The following FMN1 variants were observed in gnomAD, a reference collection of about 807,000 sequenced individuals.
FMN1 encodes formin 1.
A neutral mutation model predicts 132.4 loss-of-function variants in FMN1; 110 were observed. The observed-to-expected ratio is 0.83, with a 90% CI of 0.71 to 0.97. The LOEUF is 0.97. Among genes scored for constraint, FMN1 ranks in the 50% least tolerant of loss-of-function variants. The pLI is 0.00. For missense variants in FMN1, 1,792 were observed against 1,705.3 expected, an observed-to-expected ratio of 1.05 and a Z score of -0.90; for synonymous variants, 722 against 651.7, an observed-to-expected ratio of 1.11 and a Z score of -1.64.
At chr15:32,924,741 G>A (rs1172357419) in intron 10 of FMN1, among the ~76,000 whole-genome samples, 1 of 152,220 alleles carries the variant, frequency 6.6e-6, no homozygotes, top group Non-Finnish European at 1.5e-5. Flanking sequence ...CCAACATGGA[G>A]AAGCCCCATC....
rs869111673 is a variant in FMN1, at chr15:32,957,298, C to CTTTTTTTTT, written c.3138+6800_3138+6808dup. ...AATTGGAAAGTTTATCAGAGCAGTT[C>CTTTTTTTTT]TTTTTTTTTTTTTTTTTTTTTTTTT... On this transcript the variant is annotated intron_variant, in intron 9 of 20. Transcript: ENST00000616417. 2.1e-3 allele frequency among the ~76,000 whole-genome samples: 177 copies of CTTTTTTTTT among 84,182 alleles called. 19 individuals are homozygous for CTTTTTTTTT. Among genetic ancestry groups the CTTTTTTTTT allele is most frequent in the Non-Finnish European group, 3.2e-3 (143 of 44,918 alleles). 55.2% of individuals were successfully genotyped at this position (84,182 alleles called of 152,430 possible).
chr15:33,147,635 T>C (rs182714806), intron 4 of FMN1, among the ~76,000 whole-genome samples: 405 of 152,348 alleles, frequency 2.7e-3, no homozygotes, highest in Admixed American at 4.2e-3. Context: ...TAGAGCTGGC[T>C]TGAGATTTTA....
In FMN1 at chr15:33,090,121, C is replaced by A. The variant is rs551595594; in HGVS notation, c.1868-1147G>T. Among the ~76,000 whole-genome samples, 8 of 152,260 alleles carry A rather than the reference C, an allele frequency of 5.3e-5. No homozygotes were observed. The East Asian group carries it at 1.5e-3, about 29-fold the overall frequency. On this transcript the variant is annotated intron_variant, in intron 4 of 20. Transcript: ENST00000616417. ...TCCTCTTTTAATTCCTGGTAAGCAA[C>A]CTTGGCAAAATTTTAAGCCACTAGG...
At chr15:32,979,272 T>C (rs756748177) in intron 7 of FMN1, among the ~76,000 whole-genome samples, 7 of 152,108 alleles carry the variant, frequency 4.6e-5, no homozygotes, top group Non-Finnish European at 8.8e-5. Context: ...TAAGAAACCA[T>C]TCGCCCGGCA....
chr15:32,930,972 T>C (rs2061101466), intron 9 of FMN1, among the ~76,000 whole-genome samples: 1 of 152,174 alleles, frequency 6.6e-6, no homozygotes, highest in African/African-American at 2.4e-5. Flanking sequence ...TGTACAGTCT[T>C]GGCACCCTTG....
intron 6 of FMN1, chr15:33,012,257 T>TGA (rs34071849): frequency 0.14 from 103,269 of 717,232 alleles, 8,515 homozygotes; most frequent in African/African-American, 0.26. Context: ...TGTGTGGTAA[T>TGA]GAGATCCAAA....
At chr15:32,886,032 G>C (rs1159375604) in intron 16 of FMN1, among the ~76,000 whole-genome samples, 1 of 148,972 alleles carries the variant, frequency 6.7e-6, no homozygotes, top group Admixed American at 6.7e-5. Context: ...TCACACCAAG[G>C]CCTTATGGAA....
chr15:32,991,952 C>T (rs866160620), intron 7 of FMN1, among the ~76,000 whole-genome samples: 8 of 152,118 alleles, frequency 5.3e-5, no homozygotes, highest in Non-Finnish European at 7.4e-5. Context: ...AAAGTTTAAA[C>T]GACTAAAATG....
chr15:33,172,574 G>A (rs2140323909), intron 3 of FMN1, among the ~76,000 whole-genome samples: 1 of 152,342 alleles, frequency 6.6e-6, no homozygotes, highest in South Asian at 2.1e-4. Flanking sequence ...TGGTTATGTG[G>A]TTTGACACAG....
intron 6 of FMN1, among the ~76,000 whole-genome samples, chr15:33,026,300 A>G (rs1012962098): frequency 2.0e-5 from 3 of 152,054 alleles, no homozygotes; most frequent in African/African-American, 7.2e-5. Flanking sequence ...AATATGATAA[A>G]AAGCTTAAGT....
At chr15:33,044,806 T>C (rs1022821913) in intron 6 of FMN1, among the ~76,000 whole-genome samples, 2 of 152,218 alleles carry the variant, frequency 1.3e-5, no homozygotes, top group African/African-American at 4.8e-5. Context: ...AGCTACCCAC[T>C]GTAGGTCTCC....
intron 7 of FMN1, among the ~76,000 whole-genome samples, chr15:32,997,634 T>C (rs774960891): frequency 6.6e-6 from 1 of 152,182 alleles, no homozygotes; most frequent in African/African-American, 2.4e-5. Flanking sequence ...GCCAGGATTA[T>C]AAACATCTCC....
intron 10 of FMN1, among the ~76,000 whole-genome samples, chr15:32,914,401 CA>C (rs1194225073): frequency 6.6e-6 from 1 of 152,116 alleles, no homozygotes; most frequent in African/African-American, 2.4e-5. Flanking sequence ...AATAGGCTCA[CA>C]AAATGTTTAG....
chr15:33,122,281 C>T (rs1460064806), intron 4 of FMN1, among the ~76,000 whole-genome samples: 2 of 152,130 alleles, frequency 1.3e-5, no homozygotes, highest in Admixed American at 6.5e-5. Context: ...GTTTCTACTC[C>T]GTAAAACGTT....
intron 7 of FMN1, among the ~76,000 whole-genome samples, chr15:32,984,662 C>A (rs929694290): frequency 6.6e-6 from 1 of 152,180 alleles, no homozygotes; most frequent in Non-Finnish European, 1.5e-5. Context: ...ACAACCCTTA[C>A]ATCTACGTAT....
intron 16 of FMN1, among the ~76,000 whole-genome samples, chr15:32,859,240 G>A (rs1345886341): frequency 6.6e-6 from 1 of 152,148 alleles, no homozygotes; most frequent in Non-Finnish European, 1.5e-5. Flanking sequence ...GAAAACAAAG[G>A]GGGAAAGGTA....
intron 17 of FMN1, among the ~76,000 whole-genome samples, chr15:32,817,825 C>T (rs996432564): frequency 6.6e-6 from 1 of 152,214 alleles, no homozygotes; most frequent in Non-Finnish European, 1.5e-5. Context: ...TCAATCATAA[C>T]TGTCATCCTC....
At chr15:32,818,128 C>T (rs1257984496) in intron 17 of FMN1, among the ~76,000 whole-genome samples, 2 of 152,106 alleles carry the variant, frequency 1.3e-5, no homozygotes, top group African/African-American at 2.4e-5. Context: ...TTTATAATCA[C>T]ACACTCATTT....
chr15:32,854,768 G>T (rs766665846), intron 17 of FMN1, among the ~76,000 whole-genome samples: 1 of 152,014 alleles, frequency 6.6e-6, no homozygotes, highest in Non-Finnish European at 1.5e-5. Flanking sequence ...CAAAAAATTG[G>T]CCGGGTGTGG....
Sources: allele counts gnomAD v4.1 joint callset (sites outside exome capture counted in the v4.1 genomes callset), GRCh38; gene constraint gnomAD v4.1.1; transcripts MANE v1.5; gene names NCBI Gene and HGNC (gene_info 2026-07-23, HGNC 2026-07-21).